Variants in PIK3R5 observed in about 807,000 individuals in gnomAD.
PIK3R5 encodes the protein phosphoinositide 3-kinase regulatory subunit 5.
A neutral mutation model predicts 94.9 loss-of-function variants in PIK3R5; 32 were observed. The ratio of observed to expected loss-of-function variants is 0.34; its 90% CI spans 0.25 to 0.45. PIK3R5 has a LOEUF of 0.45. Among genes scored for constraint, PIK3R5 ranks in the 20% least tolerant of loss-of-function variants. The pLI, the probability that PIK3R5 is intolerant of heterozygous loss-of-function variation, is 1.00. For missense variants in PIK3R5, 853 were observed against 1,144.6 expected (o/e 0.75, Z 3.68); for synonymous variants, 443 against 479.4 (o/e 0.92, Z 0.99).
In PIK3R5 at chr17:8,955,852, T is replaced by A. The variant is rs1346244414; in HGVS notation, c.-14+9744A>T. ...GAAGCCTGCTTTGTGGATGCAGAGTTGGGCTCTGGATATTGCTCAAGTTGA... is the reference window on the plus strand; with the variant it reads ...GAAGCCTGCTTTGTGGATGCAGAGTAGGGCTCTGGATATTGCTCAAGTTGA... On this transcript the variant is annotated intron_variant, in intron 1 of 18. Coordinates refer to ENST00000447110, the MANE Select transcript of PIK3R5 (RefSeq NM_001142633.3). The surrounding 1 kb of genome is among the most constrained non-coding windows in gnomAD (Gnocchi z 4.4). Among the ~76,000 whole-genome samples, 1 of 152,182 alleles carries A rather than the reference T, an allele frequency of 6.6e-6. No individual in the cohort carries two copies. Among genetic ancestry groups the A allele is most frequent in the Non-Finnish European group, 1.5e-5 (1 of 68,028 alleles).
intron 1 of PIK3R5, among the ~76,000 whole-genome samples, chr17:8,960,852 C>T (rs1161773654): frequency 2.0e-5 from 3 of 149,352 alleles, no homozygotes; most frequent in African/African-American, 7.4e-5. Flanking sequence ...CCACCCCCAG[C>T]CCCCCACCCC....
At chr17:8,885,306 C>G (rs1241549120) in intron 14 of PIK3R5, among the ~76,000 whole-genome samples, 1 of 150,610 alleles carries the variant, frequency 6.6e-6, no homozygotes, top group Admixed American at 6.6e-5. Flanking sequence ...CATGGCCTTG[C>G]CTCCTGGGTA....
At position 8,904,895 on chromosome 17, in the gene PIK3R5, G is replaced by A. The variant is rs1046525086; in HGVS notation, c.294C>T (p.Asp98=). ...TVLCTPHFPP[D]SDLLLKAAST... ...TGGCTGCCTTCAGAAGGAGATCCGA[G>A]TCTGGTGGGAAGTGTGGTGTCTAGG... Residue 98 remains aspartate, a synonymous_variant, in exon 5 of 19, where the codon GAC becomes GAT. Transcript: ENST00000447110. The surrounding 1 kb of genome is among the most constrained non-coding windows in gnomAD (Gnocchi z 5.1). 6.2e-7 allele frequency: 1 copy of A among 1,613,454 alleles called. No homozygotes were observed. Among genetic ancestry groups the A allele is most frequent in the Non-Finnish European group, 8.5e-7 (1 of 1,180,028 alleles).
chr17:8,882,107 G>T lies in PIK3R5; in HGVS notation c.2206-226C>A. 1 of 557,698 alleles carries T rather than the reference G, an allele frequency of 1.8e-6. No individual in the cohort carries two copies. The highest frequency in any genetic ancestry group is 3.0e-5 in the East Asian group (1 of 32,960). The allele number at this position is 557,698 out of a possible 1,614,324, so 34.5% of individuals were successfully genotyped here. On this transcript the variant is annotated intron_variant, in intron 15 of 18. Transcript: ENST00000447110. The surrounding 1 kb of genome is among the most constrained non-coding windows in gnomAD (Gnocchi z 4.1). ...TAGGGGTCAGCAGCCTCTGTGACCA[G>T]GTTGAAAGGTACAAGAGCTGAGAGC...
At chr17:8,953,482 C>A (rs373097514) in intron 1 of PIK3R5, among the ~76,000 whole-genome samples, 61 of 152,300 alleles carry the variant, frequency 4.0e-4, no homozygotes, top group African/African-American at 1.4e-3. Context: ...TCCCCTCACA[C>A]CAACAGCTAT....
chr17:8,922,796 A>G (rs2090782162), intron 1 of PIK3R5, among the ~76,000 whole-genome samples: 1 of 152,122 alleles, frequency 6.6e-6, no homozygotes, highest in Non-Finnish European at 1.5e-5. Flanking sequence ...GCTAGTGGGC[A>G]GGAGAAGGAC....
At position 8,880,427 on chromosome 17, in the gene PIK3R5, G is replaced by A; in HGVS notation, c.*212C>T. On this transcript the variant is annotated 3_prime_UTR_variant, in exon 19 of 19. Coordinates refer to ENST00000447110, the MANE Select transcript of PIK3R5 (RefSeq NM_001142633.3). ...CTGCCAGGAATCTAAGAGGCTATGG[G>A]GTCTGGCCCTTCTCTCTCTGATAGC... 2.0e-6 allele frequency: 1 copy of A among 492,892 alleles called. No individual in the cohort carries two copies. 30.5% of individuals were successfully genotyped at this position (492,892 alleles called of 1,614,324 possible).
chr17:8,904,800 A>G lies in PIK3R5; in HGVS notation c.389T>C (p.Ile130Thr), dbSNP rs369760005. The G allele has an allele frequency of 1.6e-5, 26 of 1,614,040 alleles. No individual in the cohort carries two copies. The highest frequency in any genetic ancestry group is 2.7e-5 in the African/African-American group (2 of 74,920). Residue 130 changes from isoleucine to threonine, a missense_variant, in exon 5 of 19, where the codon ATT becomes ACT. By Grantham distance (89) the Ile-to-Thr change is moderately conservative (BLOSUM62 -1). Coordinates refer to ENST00000447110, the MANE Select transcript of PIK3R5 (RefSeq NM_001142633.3). This position sits in a 1 kb window ranked among gnomAD's most constrained non-coding sequence, Gnocchi z 5.1. ...ACCTGGGGCCTTGAGTTCAGCATCA[A>G]TGAAGGTGAGCAGCTCCTGGCAGAT... ...CSICQELLTF[I>T]DAELKAPGIS...
At chr17:8,951,719 C>CT (rs2091380203) in intron 1 of PIK3R5, among the ~76,000 whole-genome samples, 1 of 152,060 alleles carries the variant, frequency 6.6e-6, no homozygotes, top group African/African-American at 2.4e-5. Flanking sequence ...TTCAGCAGGG[C>CT]TTAGGAGGCA....
Position 8,884,818 on chromosome 17 carries a change from TG to T in PIK3R5, c.2129-36del. On this transcript the variant is annotated intron_variant, in intron 14 of 18. Coordinates refer to ENST00000447110, the MANE Select transcript of PIK3R5 (RefSeq NM_001142633.3). This position sits in a 1 kb window ranked among gnomAD's most constrained non-coding sequence, Gnocchi z 5.8. ...ACACAGACAGACCCTTCACTACCCC[TG>T]GCTTCCCCGGCTCCTCACGAACGCA... 2 of 1,600,648 alleles carry T rather than the reference TG, an allele frequency of 1.2e-6. No individual in the cohort carries two copies. Among genetic ancestry groups the T allele is most frequent in the Non-Finnish European group, 1.7e-6 (2 of 1,170,808 alleles).
chr17:8,933,980 A>T (rs2091030242), intron 1 of PIK3R5, among the ~76,000 whole-genome samples: 1 of 152,244 alleles, frequency 6.6e-6, no homozygotes, highest in Non-Finnish European at 1.5e-5. Flanking sequence ...AAAAATCTAC[A>T]GTTAACATCA....
chr17:8,942,434 C>A (rs1238555321), intron 1 of PIK3R5, among the ~76,000 whole-genome samples: 1 of 152,088 alleles, frequency 6.6e-6, no homozygotes, highest in East Asian at 1.9e-4. Context: ...CCTGCCACCT[C>A]ACCCATGCCA....
In PIK3R5 at chr17:8,881,740, C is replaced by G. The variant is rs796627022; in HGVS notation, c.2300-28G>C. 11 of 1,613,154 alleles carry G rather than the reference C, an allele frequency of 6.8e-6. No homozygotes were observed. The African/African-American group carries it at 1.5e-4, about 22-fold the overall frequency. ...GAGGGGCAAGGACACTCAGGCCAGG[C>G]TCAGAGCACCTCCCTACTGCACACC... On this transcript the variant is annotated intron_variant, in intron 16 of 18. Coordinates refer to ENST00000447110, the MANE Select transcript of PIK3R5 (RefSeq NM_001142633.3). The surrounding 1 kb of genome is among the most constrained non-coding windows in gnomAD (Gnocchi z 4.8).
chr17:8,915,496 G>A (rs562237220), intron 1 of PIK3R5, among the ~76,000 whole-genome samples: 6 of 151,880 alleles, frequency 4.0e-5, no homozygotes, highest in Admixed American at 6.6e-5. Flanking sequence ...CAGCTGCCCC[G>A]CACAGCCCTG....
intron 1 of PIK3R5, among the ~76,000 whole-genome samples, chr17:8,950,036 C>A (rs2091348848): frequency 2.6e-5 from 4 of 152,140 alleles, no homozygotes. Context: ...CAGGAACCAC[C>A]AGCAGCCAAT....
rs71135929 is a variant in PIK3R5 at position 8,888,002 on chromosome 17, AAATAATAATAATAATAAT to A, written c.1616+151_1616+168del. Among the ~76,000 whole-genome samples the A allele has an allele frequency of 0.042, 5,384 of 129,488 alleles. 362 individuals carry two copies. The highest frequency in any genetic ancestry group is 0.15 in the African/African-American group (5,059 of 34,678). 84.9% of individuals were successfully genotyped at this position (129,488 alleles called of 152,430 possible). A position where few individuals can be genotyped will look rare whatever the true frequency, so the allele number is the denominator to read the frequency against. On this transcript the variant is annotated intron_variant, in intron 10 of 18. Transcript: ENST00000447110. This position sits in a 1 kb window ranked among gnomAD's most constrained non-coding sequence, Gnocchi z 7.8. ...GGCAACAGAGCAAGACTCTGTCTCA[AAATAATAATAATAATAAT>A]AATAATAATAATAATAATAATAATA... is the stretch of plus-strand genomic sequence containing the variant.
In PIK3R5 at chr17:8,893,888, T is replaced by A. The variant is rs940980781; in HGVS notation, c.413-233A>T. The A allele has an allele frequency of 4.8e-6, 2 of 414,428 alleles. No individual in the cohort carries two copies. The highest frequency in any genetic ancestry group is 4.4e-6 in the Non-Finnish European group (1 of 225,340). The allele number at this position is 414,428 out of a possible 1,614,324, so 25.7% of individuals were successfully genotyped here. On this transcript the variant is annotated intron_variant, in intron 5 of 18. Coordinates refer to ENST00000447110, the MANE Select transcript of PIK3R5 (RefSeq NM_001142633.3). The surrounding 1 kb of genome is among the most constrained non-coding windows in gnomAD (Gnocchi z 5.1). ...CCACCTCCACCTCCAACACCAAAACTCGGTCCTGGGCCTCGCTGTCCTCTG... is the reference window on the plus strand; with the variant it reads ...CCACCTCCACCTCCAACACCAAAACACGGTCCTGGGCCTCGCTGTCCTCTG...
chr17:8,890,413 C>G lies in PIK3R5; in HGVS notation c.658-287G>C, dbSNP rs565340925. Among the ~76,000 whole-genome samples, 89 of 152,326 alleles carry G rather than the reference C, an allele frequency of 5.8e-4. No individual in the cohort carries two copies. The highest frequency in any genetic ancestry group is 2.1e-3 in the African/African-American group (88 of 41,570). ...GAAGGAGCTGTGTGGGGTGACACAG[C>G]CGACCTGTGACACCTGTGACAGAGC... is the stretch of plus-strand genomic sequence containing the variant. On this transcript the variant is annotated intron_variant, in intron 7 of 18. Transcript: ENST00000447110. The surrounding 1 kb of genome is among the most constrained non-coding windows in gnomAD (Gnocchi z 6.1).
rs570988365 is a variant in PIK3R5, at chr17:8,890,630, T to C, written c.657+108A>G. 40 of 974,970 alleles carry C rather than the reference T, an allele frequency of 4.1e-5. No homozygotes were observed. Among genetic ancestry groups the C allele is most frequent in the Admixed American group, 3.9e-4 (15 of 38,242 alleles). 60.4% of individuals were successfully genotyped at this position (974,970 alleles called of 1,614,324 possible). ...CCACCACCCTGCCATGTCACCTGGG[T>C]GCAGGAGACTAAGTGTACCCTGGAG... On this transcript the variant is annotated intron_variant, in intron 7 of 18. Transcript: ENST00000447110. This position sits in a 1 kb window ranked among gnomAD's most constrained non-coding sequence, Gnocchi z 6.1.
Sources: gnomAD v4.1 joint callset for allele counts (sites outside exome capture counted in the v4.1 genomes callset) on GRCh38, gnomAD v4.1.1 for gene constraint, Gnocchi (gnomAD v3.1) non-coding constraint, MANE v1.5 for transcripts, NCBI Gene and HGNC (gene_info 2026-07-23, HGNC 2026-07-21) for gene names.